Variants in TACC1 observed in about 807,000 individuals in gnomAD.
The protein encoded by TACC1 is transforming acidic coiled-coil-containing protein 1.
A neutral mutation model predicts 84.4 loss-of-function variants in TACC1; 48 were observed. That is an observed-to-expected ratio of 0.57 (90% CI 0.45 to 0.72). The LOEUF is 0.72. Ranked by LOEUF, TACC1 falls within the 30% of genes least tolerant of loss-of-function variation. The pLI, the probability that TACC1 is intolerant of heterozygous loss-of-function variation, is 0.00. For synonymous variants in TACC1, 372 were observed against 376.3 expected, an observed-to-expected ratio of 0.99 and a Z score of 0.13; for missense variants, 920 against 973.0, an observed-to-expected ratio of 0.95 and a Z score of 0.72.
rs1346205533 is a variant in TACC1, at chr8:38,848,114, T to C, written c.*91T>C. On this transcript the variant is annotated 3_prime_UTR_variant, in exon 13 of 13. Coordinates refer to ENST00000317827, the MANE Select transcript of TACC1 (RefSeq NM_006283.3). ...GCCTTATCCAGGAATAATTGCCCCTTTGCAGAGAAAAAAAAAAACTTAAAA... is the reference window on the plus strand; with the variant it reads ...GCCTTATCCAGGAATAATTGCCCCTCTGCAGAGAAAAAAAAAAACTTAAAA... The C allele has an allele frequency of 2.3e-6, 3 of 1,294,544 alleles. No individual in the cohort carries two copies. The highest frequency in any genetic ancestry group is 2.2e-6 in the Non-Finnish European group (2 of 927,606). The allele number at this position is 1,294,544 out of a possible 1,614,324, so 80.2% of individuals were successfully genotyped here.
chr8:38,846,653 A>AT, intron 11 of TACC1, 46 bp from the exon 12 acceptor site: 1 of 1,610,856 alleles, frequency 6.2e-7, no homozygotes, highest in Middle Eastern at 1.7e-4. Flanking sequence ...CTAGTGGCTA[A>AT]TCATGTGCTT....
intron 3 of TACC1, among the ~76,000 whole-genome samples, chr8:38,762,494 C>A (rs7010426): frequency 0.04 from 6,111 of 151,928 alleles, 426 homozygotes; most frequent in African/African-American, 0.14. Flanking sequence ...GTATATATAC[C>A]ACATTTTGTT....
chr8:38,757,132 A>T, intron 3 of TACC1: 1 of 580,866 alleles, frequency 1.7e-6, no homozygotes, highest in Non-Finnish European at 2.4e-6. Context: ...GGGGCCCTGC[A>T]ATCCGCGGAG....
intron 3 of TACC1, among the ~76,000 whole-genome samples, chr8:38,763,385 G>A (rs375453175): frequency 2.6e-5 from 4 of 151,868 alleles, no homozygotes; most frequent in Non-Finnish European, 2.9e-5. Context: ...TCAAACTCCC[G>A]GCCTCAAATA....
At chr8:38,766,578 G>C (rs547203411) in intron 3 of TACC1, among the ~76,000 whole-genome samples, 1 of 152,186 alleles carries the variant, frequency 6.6e-6, no homozygotes, top group South Asian at 2.1e-4. Context: ...TCTGAAAACT[G>C]TTCAGAGATC....
intron 1 of TACC1, among the ~76,000 whole-genome samples, chr8:38,740,673 GC>G (rs1806885026): frequency 6.6e-6 from 1 of 152,190 alleles, no homozygotes; most frequent in Non-Finnish European, 1.5e-5. Flanking sequence ...AAGCAAAACA[GC>G]ACTCCCTACT....
At chr8:38,781,633 G>A (rs1380069420) in intron 3 of TACC1, among the ~76,000 whole-genome samples, 4 of 152,158 alleles carry the variant, frequency 2.6e-5, no homozygotes, top group South Asian at 2.1e-4. Context: ...CACCTGCCTC[G>A]GCCTCCCAAA....
chr8:38,731,362 G>T (rs956774471), intron 1 of TACC1, among the ~76,000 whole-genome samples: 2 of 152,172 alleles, frequency 1.3e-5, no homozygotes, highest in African/African-American at 4.8e-5. Context: ...GTGTGCCTCA[G>T]TTTCTTCAAA....
intron 3 of TACC1, among the ~76,000 whole-genome samples, chr8:38,774,789 G>A (rs891742513): frequency 3.9e-5 from 6 of 152,132 alleles, no homozygotes; most frequent in Non-Finnish European, 5.9e-5. Flanking sequence ...GAGGCGGGCG[G>A]ATCACGAGGT....
intron 2 of TACC1, among the ~76,000 whole-genome samples, chr8:38,808,757 A>G (rs192458436): frequency 2.6e-5 from 4 of 152,330 alleles, no homozygotes. Context: ...GTTAGCTGGT[A>G]CTGAGACACT....
intron 2 of TACC1, among the ~76,000 whole-genome samples, chr8:38,805,255 C>G (rs1245984447): frequency 6.6e-6 from 1 of 152,192 alleles, no homozygotes; most frequent in African/African-American, 2.4e-5. Context: ...CAGCTTACTT[C>G]TAAGTCAATA....
At chr8:38,814,127 T>C (rs1824880618) in intron 2 of TACC1, among the ~76,000 whole-genome samples, 1 of 152,176 alleles carries the variant, frequency 6.6e-6, no homozygotes, top group South Asian at 2.1e-4. Context: ...ATAGAACTTA[T>C]TTAGGAAAAG....
chr8:38,733,619 G>C (rs767177270), intron 1 of TACC1, among the ~76,000 whole-genome samples: 7 of 152,042 alleles, frequency 4.6e-5, no homozygotes, highest in Non-Finnish European at 1.0e-4. Context: ...ACAATTCCTA[G>C]CACCAGCTCA....
At chr8:38,837,378 G>A (rs570686059) in intron 7 of TACC1, among the ~76,000 whole-genome samples, 1 of 152,044 alleles carries the variant, frequency 6.6e-6, no homozygotes, top group South Asian at 2.1e-4. Context: ...AGCCGAGATC[G>A]CACCATTGCA....
At chr8:38,742,324 C>T in intron 1 of TACC1, 2 of 1,047,012 alleles carry the variant, frequency 1.9e-6, no homozygotes, top group Non-Finnish European at 2.6e-6. Flanking sequence ...AAGCATGTGA[C>T]TCCCACCTGA....
intron 3 of TACC1, among the ~76,000 whole-genome samples, chr8:38,772,106 C>T (rs1172895572): frequency 6.6e-6 from 1 of 152,216 alleles, no homozygotes; most frequent in African/African-American, 2.4e-5. Context: ...CATTAAAACA[C>T]ATTCAAACTT....
At chr8:38,822,605 A>G (rs1338920928) in intron 3 of TACC1, among the ~76,000 whole-genome samples, 1 of 152,216 alleles carries the variant, frequency 6.6e-6, no homozygotes, top group Non-Finnish European at 1.5e-5. Context: ...ATTTTTTAAG[A>G]AGTTTTGACT....
In TACC1 at chr8:38,847,948, C is replaced by T; in HGVS notation, c.2350-7C>T. On this transcript the variant is annotated splice_region_variant and splice_polypyrimidine_tract_variant and intron_variant, in intron 12 of 12. Transcript: ENST00000317827. Reference sequence around the variant, plus strand: ...TGGCCTGCATAATTATGTCATTTGTCTTTCAGAACCAAGAAATTGAAGAAC... The same window carrying T: ...TGGCCTGCATAATTATGTCATTTGTTTTTCAGAACCAAGAAATTGAAGAAC... The T allele has an allele frequency of 1.9e-6, 3 of 1,613,224 alleles. No individual in the cohort carries two copies. Among genetic ancestry groups the T allele is most frequent in the Non-Finnish European group, 1.7e-6 (2 of 1,179,466 alleles).
At chr8:38,825,000 G>A (rs1827718685) in intron 3 of TACC1, among the ~76,000 whole-genome samples, 1 of 152,148 alleles carries the variant, frequency 6.6e-6, no homozygotes, top group Non-Finnish European at 1.5e-5. Flanking sequence ...TGTCTGCAAA[G>A]CTTTTGGTGG....
Sources: allele counts gnomAD v4.1 joint callset (sites outside exome capture counted in the v4.1 genomes callset), GRCh38; gene constraint gnomAD v4.1.1; transcripts MANE v1.5; gene names NCBI Gene and HGNC (gene_info 2026-07-23, HGNC 2026-07-21).